The following GPC5 variants were observed in gnomAD, a reference collection of about 807,000 sequenced individuals.
GPC5 encodes glypican 5.
In GPC5, 47 loss-of-function variants were observed where a neutral mutation model predicts 53.9. The ratio of observed to expected loss-of-function variants is 0.87; its 90% confidence interval spans 0.69 to 1.11. The LOEUF (loss-of-function observed/expected upper bound fraction) is 1.11. Ranked by LOEUF, GPC5 falls within the 50% of genes most tolerant of loss-of-function variation. GPC5 has a pLI of 0.00. For synonymous variants in GPC5, 286 were observed against 263.3 expected (o/e 1.09, Z -0.84); for missense variants, 748 against 713.1 (o/e 1.05, Z -0.56).
At chr13:92,397,118 TC>T (rs1012079715) in intron 7 of GPC5, among the ~76,000 whole-genome samples, 1 of 152,220 alleles carries the variant, frequency 6.6e-6, no homozygotes, top group Non-Finnish European at 1.5e-5. Flanking sequence ...TTAACACTTG[TC>T]CCACTGAACC....
At chr13:92,404,557 T>G (rs1300671415) in intron 7 of GPC5, among the ~76,000 whole-genome samples, 1 of 152,232 alleles carries the variant, frequency 6.6e-6, no homozygotes. Flanking sequence ...TTTTATTAAT[T>G]TTTAAATTGC....
intron 5 of GPC5, among the ~76,000 whole-genome samples, chr13:91,821,609 C>T (rs1236284190): frequency 6.6e-6 from 1 of 151,856 alleles, no homozygotes; most frequent in Admixed American, 6.6e-5. Context: ...AGAGGGTTTC[C>T]CTCTATTTTT....
Position 92,272,431 on chromosome 13 carries a change from A to G in GPC5, c.1561+127442A>G, listed in dbSNP as rs146868094. 7.2e-5 allele frequency among the ~76,000 whole-genome samples: 11 copies of G among 152,292 alleles called. No individual in the cohort carries two copies. The East Asian group carries it at 1.4e-3, about 19-fold the overall frequency. ...TAACCATCTAGCAATGTTTTGATTT[A>G]TGAAATAGAATTGATATTTCTATTT... On this transcript the variant is annotated intron_variant, in intron 7 of 7. Coordinates refer to ENST00000377067, the MANE Select transcript of GPC5 (RefSeq NM_004466.6).
chr13:92,831,183 A>T (rs896969120), intron 7 of GPC5, among the ~76,000 whole-genome samples: 3 of 152,122 alleles, frequency 2.0e-5, no homozygotes, highest in African/African-American at 7.2e-5. Context: ...CAGTAAAATG[A>T]TAAAATCAAA....
At chr13:92,063,524 A>G (rs2041140982) in intron 6 of GPC5, among the ~76,000 whole-genome samples, 1 of 152,242 alleles carries the variant, frequency 6.6e-6, no homozygotes, top group Non-Finnish European at 1.5e-5. Flanking sequence ...AATATGTATT[A>G]TCTACTCCTA....
rs1222728183 is a variant in GPC5 at position 91,693,398 on chromosome 13, T to C, written c.537T>C (p.Ile179=). 3 of 1,614,076 alleles carry C rather than the reference T, an allele frequency of 1.9e-6. No homozygotes were observed. The highest frequency in any genetic ancestry group is 1.1e-5 in the South Asian group (1 of 91,080). ...TTCCTCTGGTCTACAACCACCTCAT[T>C]AACCCTGGTGTGACTGACAGTTCCC... ...SLFPLVYNHL[I]NPGVTDSSLE... The change falls in exon 3 of 8, where the codon ATT becomes ATC. Residue 179 remains isoleucine (I), a synonymous_variant. Coordinates refer to ENST00000377067, the MANE Select transcript of GPC5 (RefSeq NM_004466.6).
intron 6 of GPC5, among the ~76,000 whole-genome samples, chr13:91,949,100 C>T (rs527839431): frequency 1.4e-4 from 21 of 152,288 alleles, no homozygotes; most frequent in Non-Finnish European, 3.1e-4. Flanking sequence ...AAGCAACCTT[C>T]TAAATACTGA....
At chr13:91,965,476 C>A (rs1012542155) in intron 6 of GPC5, among the ~76,000 whole-genome samples, 1 of 152,132 alleles carries the variant, frequency 6.6e-6, no homozygotes, top group Admixed American at 6.6e-5. Flanking sequence ...CCATCATTTA[C>A]CCAGTTTTTC....
At chr13:92,094,833 T>C (rs1461693727) in intron 6 of GPC5, among the ~76,000 whole-genome samples, 6 of 152,032 alleles carry the variant, frequency 3.9e-5, no homozygotes, top group Non-Finnish European at 8.8e-5. Context: ...GCCAGCGTTT[T>C]TCATATTTTA....
At chr13:91,430,492 C>G (rs1462541482) in intron 1 of GPC5, among the ~76,000 whole-genome samples, 1 of 152,128 alleles carries the variant, frequency 6.6e-6, no homozygotes, top group Non-Finnish European at 1.5e-5. Context: ...TCTGTAAAGA[C>G]TGGATTAAGG....
At chr13:92,438,772 G>A (rs550555487) in intron 7 of GPC5, among the ~76,000 whole-genome samples, 9 of 152,102 alleles carry the variant, frequency 5.9e-5, no homozygotes, top group Non-Finnish European at 7.4e-5. Context: ...AAAACAATTG[G>A]TAGTTAAATA....
chr13:92,145,767 T>C (rs1251145482), intron 7 of GPC5, among the ~76,000 whole-genome samples: 5 of 152,174 alleles, frequency 3.3e-5, no homozygotes, highest in Admixed American at 6.6e-5. Flanking sequence ...TCATGTAATC[T>C]TGATTATACC....
chr13:92,296,722 C>G (rs890379110), intron 7 of GPC5, among the ~76,000 whole-genome samples: 3 of 152,192 alleles, frequency 2.0e-5, no homozygotes, highest in African/African-American at 7.2e-5. Flanking sequence ...AGCTGGAGTT[C>G]CGTGTGGGCG....
chr13:91,992,239 C>T (rs1288184901), intron 6 of GPC5, among the ~76,000 whole-genome samples: 1 of 151,988 alleles, frequency 6.6e-6, no homozygotes, highest in Non-Finnish European at 1.5e-5. Flanking sequence ...CGCTCTATTG[C>T]TCAGGCTGGT....
intron 7 of GPC5, among the ~76,000 whole-genome samples, chr13:92,318,108 G>A (rs927127108): frequency 2.0e-5 from 3 of 152,146 alleles, no homozygotes; most frequent in African/African-American, 4.8e-5. Context: ...GATTTATTTT[G>A]TTGAAGTTTT....
chr13:92,806,876 T>C (rs1234206390), intron 7 of GPC5, among the ~76,000 whole-genome samples: 1 of 152,026 alleles, frequency 6.6e-6, no homozygotes, highest in East Asian at 1.9e-4. Context: ...TGCTAAAATT[T>C]TACAAGGACA....
rs559663917 is a variant in GPC5, at chr13:92,447,526, T to C, written c.1561+302537T>C. On this transcript the variant is annotated intron_variant, in intron 7 of 7. Coordinates refer to ENST00000377067, the MANE Select transcript of GPC5 (RefSeq NM_004466.6). ...TGGGAATTAGGATGGCTTAAAAAAA[T>C]AGCTTCATCATCAGGAAATGAAAAA... 16 of 152,036 alleles carry C rather than the reference T, an allele frequency of 1.1e-4. No homozygotes were observed. In the South Asian group the frequency reaches 3.3e-3, roughly 32 times the overall value. 9.4% of individuals were successfully genotyped at this position (152,036 alleles called of 1,614,324 possible).
intron 6 of GPC5, among the ~76,000 whole-genome samples, chr13:91,961,683 T>C (rs749213213): frequency 2.2e-4 from 34 of 152,080 alleles, no homozygotes; most frequent in Admixed American, 1.2e-3. Context: ...ATTCATAAAT[T>C]ATGTTCATGC....
chr13:92,797,830 TA>T (rs1419163419), intron 7 of GPC5, among the ~76,000 whole-genome samples: 2 of 145,770 alleles, frequency 1.4e-5, no homozygotes, highest in Non-Finnish European at 3.0e-5. Context: ...GATAGATAGA[TA>T]GATAGATAGA....
Sources: allele counts gnomAD v4.1 joint callset (sites outside exome capture counted in the v4.1 genomes callset), GRCh38; gene constraint gnomAD v4.1.1; transcripts MANE v1.5; gene names NCBI Gene and HGNC (gene_info 2026-07-23, HGNC 2026-07-21).